The following SLC4A8 variants were observed in gnomAD, a reference collection of about 807,000 sequenced individuals.
SLC4A8 encodes the protein solute carrier family 4 member 8, also known as electroneutral sodium bicarbonate exchanger 1.
Under a neutral mutation model 125.0 loss-of-function variants are expected in SLC4A8, and 40 were observed. The observed-to-expected ratio is 0.32, with a 90% CI of 0.25 to 0.42. SLC4A8 has a LOEUF of 0.42. Ranked by LOEUF, SLC4A8 falls within the 10% of genes least tolerant of loss-of-function variation. SLC4A8 has a pLI of 1.00. For missense variants in SLC4A8, 863 were observed against 1,355.1 expected (o/e 0.64, Z 5.70); for synonymous variants, 456 against 476.0 (o/e 0.96, Z 0.55).
chr12:51,424,065 AC>A (rs1474601664), upstream of SLC4A8, among the ~76,000 whole-genome samples: 3,667 of 45,734 alleles, frequency 0.08, 205 homozygotes, highest in African/African-American at 0.16. Context: ...AAAAAAAACA[AC>A]AAAAAAAAAA....
At chr12:51,424,617 G>T, upstream of SLC4A8, 3 of 251,142 alleles carry the variant, frequency 1.2e-5, no homozygotes, top group Non-Finnish European at 2.3e-5. Flanking sequence ...TAGAAGCAGA[G>T]ATTTTCTAGC....
upstream of SLC4A8, among the ~76,000 whole-genome samples, chr12:51,422,336 G>A (rs1948807619): frequency 6.6e-6 from 1 of 152,118 alleles, no homozygotes; most frequent in Admixed American, 6.6e-5. Context: ...GAATTAGCCA[G>A]ATCTCCACAA....
intron 1 of SLC4A8, among the ~76,000 whole-genome samples, chr12:51,393,974 C>T (rs143845806): frequency 6.8e-4 from 103 of 152,264 alleles, no homozygotes; most frequent in African/African-American, 2.4e-3. Flanking sequence ...GGGATGCTGC[C>T]CCTCATGTCT....
chr12:51,463,255 C>G (rs931895340), intron 10 of SLC4A8, among the ~76,000 whole-genome samples: 1 of 152,112 alleles, frequency 6.6e-6, no homozygotes, highest in African/African-American at 2.4e-5. Flanking sequence ...ATAAAACTGT[C>G]TTCTAGGGCA....
chr12:51,430,614 T>C (rs1335086224), intron 1 of SLC4A8, among the ~76,000 whole-genome samples: 1 of 152,054 alleles, frequency 6.6e-6, no homozygotes, highest in African/African-American at 2.4e-5. Flanking sequence ...TGGGCAGACT[T>C]GTCAAGCAGA....
chr12:51,411,046 T>G (rs1278416895), intron 1 of SLC4A8, among the ~76,000 whole-genome samples: 1 of 31,346 alleles, frequency 3.2e-5, no homozygotes, highest in Non-Finnish European at 6.7e-5. Flanking sequence ...GGCCAATCTG[T>G]TTTTTTTTTT....
chr12:51,464,793 G>A (rs7968526), intron 11 of SLC4A8, among the ~76,000 whole-genome samples: 73,669 of 152,064 alleles, frequency 0.48, 18,167 homozygotes, highest in Non-Finnish European at 0.53. Context: ...ACTCAGAGTT[G>A]TTTTGGAATT....
chr12:51,454,329 T>C (rs1950064066), intron 5 of SLC4A8, among the ~76,000 whole-genome samples: 1 of 151,608 alleles, frequency 6.6e-6, no homozygotes, highest in Non-Finnish European at 1.5e-5. Flanking sequence ...GTGTTTCTCA[T>C]AAGGTGGGAC....
chr12:51,406,760 G>T (rs1948496412), intron 1 of SLC4A8, among the ~76,000 whole-genome samples: 2 of 152,190 alleles, frequency 1.3e-5, no homozygotes, highest in Admixed American at 6.5e-5. Context: ...GCCCTCTGAG[G>T]CTTCACCCTC....
chr12:51,479,243 G>A (rs1490806013), intron 16 of SLC4A8, among the ~76,000 whole-genome samples: 1 of 152,196 alleles, frequency 6.6e-6, no homozygotes, highest in Non-Finnish European at 1.5e-5. Flanking sequence ...GCTGACTCCT[G>A]TGGAAATCCC....
intron 1 of SLC4A8, among the ~76,000 whole-genome samples, chr12:51,401,610 G>A (rs994703936): frequency 6.6e-6 from 1 of 152,052 alleles, no homozygotes; most frequent in South Asian, 2.1e-4. Context: ...TCCTCTTGAC[G>A]TCCAGCCGCT....
Position 51,471,551 on chromosome 12 carries a change from T to A in SLC4A8, c.1904+19T>A. 1 of 1,606,850 alleles carries A rather than the reference T, an allele frequency of 6.2e-7. No homozygotes were observed. The highest frequency in any genetic ancestry group is 8.5e-7 in the Non-Finnish European group (1 of 1,175,958). On this transcript the variant is annotated intron_variant, in intron 14 of 24. Transcript: ENST00000453097. ...TCTATTAGTAAGTGTGCTTTCTGCT[T>A]ATTTTTAAAAATTGAGCAAAGGGCC...
At chr12:51,432,540 T>C (rs1195173163) in intron 1 of SLC4A8, among the ~76,000 whole-genome samples, 3 of 151,308 alleles carry the variant, frequency 2.0e-5, no homozygotes. Context: ...CTAGCGAACA[T>C]GGCGAAACCC....
intron 1 of SLC4A8, among the ~76,000 whole-genome samples, chr12:51,405,996 C>T (rs1252369655): frequency 6.6e-6 from 1 of 152,206 alleles, no homozygotes; most frequent in Non-Finnish European, 1.5e-5. Context: ...ACAAATTGGA[C>T]TGTCTGGTTC....
intron 1 of SLC4A8, among the ~76,000 whole-genome samples, chr12:51,412,663 A>C (rs1340045304): frequency 6.6e-6 from 1 of 152,328 alleles, no homozygotes; most frequent in African/African-American, 2.4e-5. Flanking sequence ...GCTCCCATAT[A>C]AGTGAGAACA....
rs1565772495 is a variant in SLC4A8 at position 51,433,884 on chromosome 12, G to GTTTTTTTT, written c.49-6822_49-6815dup. ...TTTTTTTTTTTTTTTTTTTTGGTTGGTTTTTTTTTGAGACAGGGTCTTTCT... is the reference window on the plus strand; with the variant it reads ...TTTTTTTTTTTTTTTTTTTTGGTTGGTTTTTTTTTTTTTTTTTGAGACAGGGTCTTTCT... On this transcript the variant is annotated intron_variant, in intron 1 of 24. Coordinates refer to ENST00000453097, the MANE Select transcript of SLC4A8 (RefSeq NM_001039960.3). Among the ~76,000 whole-genome samples, 286 of 72,114 alleles carry GTTTTTTTT rather than the reference G, an allele frequency of 4.0e-3. 9 individuals carry two copies. The highest frequency in any genetic ancestry group is 0.014 in the Middle Eastern group (2 of 140). The allele number at this position is 72,114 out of a possible 152,430, so 47.3% of individuals were successfully genotyped here. A position where few individuals can be genotyped will look rare whatever the true frequency, so the allele number is the denominator to read the frequency against.
At chr12:51,474,952 C>T in intron 15 of SLC4A8, 93 bp from the exon 16 acceptor site, 4 of 1,187,034 alleles carry the variant, frequency 3.4e-6, no homozygotes, top group Non-Finnish European at 4.8e-6. Context: ...CTCCCAACAA[C>T]CATGGGATGA....
chr12:51,461,095 G>T, intron 8 of SLC4A8, 109 bp from the exon 9 acceptor site: 1 of 544,478 alleles, frequency 1.8e-6, no homozygotes, highest in South Asian at 2.9e-5. Context: ...TGAAGGTACA[G>T]TGATGATTTA....
chr12:51,494,884 C>A, intron 20 of SLC4A8, 61 bp from the exon 21 acceptor site: 1 of 1,432,978 alleles, frequency 7.0e-7, no homozygotes, highest in Non-Finnish European at 9.7e-7. Flanking sequence ...ATGAATTGGT[C>A]TAACAAAGCT....
Sources: gnomAD v4.1 joint callset for allele counts (sites outside exome capture counted in the v4.1 genomes callset) on GRCh38, gnomAD v4.1.1 for gene constraint, MANE v1.5 for transcripts, NCBI Gene and HGNC (gene_info 2026-07-23, HGNC 2026-07-21) for gene names.